The following ERC2 variants were observed in gnomAD, a reference collection of about 807,000 sequenced individuals.
ERC2 encodes ELKS/RAB6-interacting/CAST family member 2, also known as ERC protein 2.
ERC2 carries 42 observed loss-of-function variants against 114.8 expected under a neutral mutation model. The observed-to-expected ratio is 0.37, with a 90% CI of 0.29 to 0.47. The LOEUF is 0.47. ERC2 is among the 20% of genes least tolerant of loss of function. ERC2 has a pLI of 0.99. For synonymous variants in ERC2, 454 were observed against 425.5 expected, an observed-to-expected ratio of 1.07 and a Z score of -0.82; for missense variants, 939 against 1,150.7, an observed-to-expected ratio of 0.82 and a Z score of 2.66.
intron 14 of ERC2, among the ~76,000 whole-genome samples, chr3:55,843,250 G>T (rs2061214709): frequency 6.6e-6 from 1 of 152,134 alleles, no homozygotes. Flanking sequence ...GATAGAGGGA[G>T]CTGGAAGAGC....
intron 2 of ERC2, among the ~76,000 whole-genome samples, chr3:56,305,154 T>C (rs964058002): frequency 6.6e-6 from 1 of 152,014 alleles, no homozygotes; most frequent in Non-Finnish European, 1.5e-5. Context: ...ACAAAAAATG[T>C]AGCCATAAAA....
chr3:56,047,641 A>G (rs1458856824), intron 7 of ERC2, among the ~76,000 whole-genome samples: 2 of 152,248 alleles, frequency 1.3e-5, no homozygotes, highest in African/African-American at 4.8e-5. Context: ...GAGAGGTGCA[A>G]GGAATGACTA....
intron 15 of ERC2, among the ~76,000 whole-genome samples, chr3:55,701,450 C>T (rs2063219730): frequency 6.6e-6 from 1 of 152,124 alleles, no homozygotes; most frequent in Non-Finnish European, 1.5e-5. Context: ...TTGGAAACAC[C>T]TCACATCCCA....
rs758111220 is a variant in ERC2 at position 56,139,545 on chromosome 3, A to G, written c.1437T>C (p.Thr479=). ...GGATGGCAGCCCTCTGTTCTTTGGC[A>G]GTAAGTGACTCTTTGAGCACTTCAA... ...QHIEVLKESL[T]AKEQRAAILQ... is the part of the protein sequence containing the mutation. Residue 479 remains threonine, a synonymous_variant, in exon 6 of 18, where the codon ACT becomes ACC. Transcript: ENST00000288221. 1.9e-6 allele frequency: 3 copies of G among 1,613,998 alleles called. No homozygotes were observed. Among genetic ancestry groups the G allele is most frequent in the Non-Finnish European group, 1.7e-6 (2 of 1,179,930 alleles).
chr3:55,649,758 C>A (rs773296500), intron 17 of ERC2, among the ~76,000 whole-genome samples: 2 of 152,142 alleles, frequency 1.3e-5, no homozygotes, highest in African/African-American at 4.8e-5. Context: ...AGGGCACCCC[C>A]GTCATGTGCC....
chr3:55,879,575 T>C (rs938089653), intron 14 of ERC2, among the ~76,000 whole-genome samples: 2 of 152,134 alleles, frequency 1.3e-5, no homozygotes, highest in Non-Finnish European at 2.9e-5. Flanking sequence ...CTACCAACCA[T>C]GGTACCCAGA....
intron 14 of ERC2, among the ~76,000 whole-genome samples, chr3:55,832,479 C>A (rs1424579549): frequency 2.0e-5 from 3 of 152,218 alleles, no homozygotes; most frequent in African/African-American, 4.8e-5. Flanking sequence ...GCCACTGCTG[C>A]GGATACCCAG....
At chr3:55,950,376 G>T (rs1316777696) in intron 13 of ERC2, 49 bp downstream of exon 13, 24 of 1,602,372 alleles carry the variant, frequency 1.5e-5, no homozygotes, top group Non-Finnish European at 2.0e-5. Context: ...ATTTCTGAGA[G>T]AGTCCATCTC....
At chr3:55,886,094 A>T (rs1163968053) in intron 14 of ERC2, among the ~76,000 whole-genome samples, 1 of 152,236 alleles carries the variant, frequency 6.6e-6, no homozygotes, top group Non-Finnish European at 1.5e-5. Context: ...AAACAAGGAG[A>T]AAAACTAGGC....
At chr3:55,918,062 T>C (rs1377035015) in intron 13 of ERC2, among the ~76,000 whole-genome samples, 2 of 151,950 alleles carry the variant, frequency 1.3e-5, no homozygotes, top group Admixed American at 6.6e-5. Flanking sequence ...GGCCTCAGAG[T>C]CCCAGTATAT....
chr3:55,639,769 TATGTGTGCGTGTGGGCACACGCAC>T (rs1346621966), intron 17 of ERC2, among the ~76,000 whole-genome samples: 1 of 152,202 alleles, frequency 6.6e-6, no homozygotes, highest in Non-Finnish European at 1.5e-5. Context: ...TTTTGTGGGG[TATGTGTGCGTGTGGGCACACGCAC>T]ATGTGCATGC....
chr3:55,805,825 G>T (rs1463013805), intron 14 of ERC2, among the ~76,000 whole-genome samples: 1 of 152,088 alleles, frequency 6.6e-6, no homozygotes, highest in Non-Finnish European at 1.5e-5. Context: ...GCCCCTGTCT[G>T]GTTCAGATGC....
At chr3:55,821,154 G>C (rs2060107095) in intron 14 of ERC2, among the ~76,000 whole-genome samples, 1 of 152,174 alleles carries the variant, frequency 6.6e-6, no homozygotes, top group Non-Finnish European at 1.5e-5. Flanking sequence ...CACATCAACT[G>C]AACAGTGAGA....
chr3:55,867,226 C>G (rs1234287776), intron 14 of ERC2, among the ~76,000 whole-genome samples: 1 of 151,926 alleles, frequency 6.6e-6, no homozygotes, highest in Non-Finnish European at 1.5e-5. Flanking sequence ...TAATTCCCCT[C>G]TCAAATCAAG....
chr3:56,037,345 G>A (rs1041229935), intron 7 of ERC2, among the ~76,000 whole-genome samples: 1 of 152,194 alleles, frequency 6.6e-6, no homozygotes, highest in Non-Finnish European at 1.5e-5. Context: ...AACCGGTTTA[G>A]AGAGGAACAT....
intron 14 of ERC2, among the ~76,000 whole-genome samples, chr3:55,831,015 T>G (rs1026578360): frequency 6.6e-6 from 1 of 151,204 alleles, no homozygotes; most frequent in Non-Finnish European, 1.5e-5. Flanking sequence ...ATATTAAAAA[T>G]ATTAAAATAA....
At chr3:55,988,456 C>A (rs961995207) in intron 11 of ERC2, among the ~76,000 whole-genome samples, 1 of 152,304 alleles carries the variant, frequency 6.6e-6, no homozygotes, top group South Asian at 2.1e-4. Flanking sequence ...AGAAACACCA[C>A]GCACATGGAA....
At chr3:55,624,616 G>A (rs1559759604) in intron 17 of ERC2, among the ~76,000 whole-genome samples, 1 of 152,274 alleles carries the variant, frequency 6.6e-6, no homozygotes, top group East Asian at 1.9e-4. Flanking sequence ...TGGGTCTGAG[G>A]CTCAGCTCTG....
chr3:56,235,676 G>A (rs2050895459), intron 3 of ERC2, among the ~76,000 whole-genome samples: 1 of 151,996 alleles, frequency 6.6e-6, no homozygotes, highest in South Asian at 2.1e-4. Context: ...CCATAGACCT[G>A]CAAAGTCCAA....
Sources: allele counts gnomAD v4.1 joint callset (sites outside exome capture counted in the v4.1 genomes callset), GRCh38; gene constraint gnomAD v4.1.1; transcripts MANE v1.5; gene names NCBI Gene and HGNC (gene_info 2026-07-23, HGNC 2026-07-21).